ARHGEF11: variants seen among roughly 807,000 people sequenced by gnomAD.
The protein encoded by ARHGEF11 is Rho guanine exchange factor (GEF) 11.
A neutral mutation model predicts 193.7 loss-of-function variants in ARHGEF11; 55 were observed. The observed-to-expected ratio is 0.28, with a 90% CI of 0.23 to 0.36. The LOEUF is 0.36. Among genes scored for constraint, ARHGEF11 ranks in the 10% least tolerant of loss-of-function variants. The pLI, the probability that ARHGEF11 is intolerant of heterozygous loss-of-function variation, is 1.00. For synonymous variants in ARHGEF11, 693 were observed against 768.0 expected (o/e 0.90, Z 1.62); for missense variants, 1,723 against 2,005.6 (o/e 0.86, Z 2.69).
chr1:156,955,018 A>C (rs1659740258), intron 20 of ARHGEF11, 97 bp from the exon 21 acceptor site: 2 of 1,062,514 alleles, frequency 1.9e-6, no homozygotes, highest in Non-Finnish European at 2.8e-6. Context: ...AAAAATTAAA[A>C]GGTAGTGGCG....
intron 1 of ARHGEF11, among the ~76,000 whole-genome samples, chr1:157,030,086 CTG>C (rs534327181): frequency 1.2e-4 from 18 of 152,242 alleles, no homozygotes; most frequent in Non-Finnish European, 2.2e-4. Context: ...TTGCACAACT[CTG>C]TGAATATACT....
chr1:156,944,955 T>A (rs1188354028), intron 30 of ARHGEF11, 64 bp downstream of exon 30: 1 of 1,564,994 alleles, frequency 6.4e-7, no homozygotes, highest in East Asian at 2.2e-5. Flanking sequence ...CCCTGACCAG[T>A]GTTCTGCTCC....
At position 156,948,203 on chromosome 1, in the gene ARHGEF11, A is replaced by T; in HGVS notation, c.2131T>A (p.Phe711Ile). The change falls in exon 24 of 41, where the codon TTC (phenylalanine) becomes ATC (isoleucine). Residue 711 changes from phenylalanine (F) to isoleucine (I), a missense_variant. Transcript: ENST00000368194. This position sits in a 1 kb window ranked among gnomAD's most constrained non-coding sequence, Gnocchi z 4.2. ...TACCTGCGGCCCATTTTGGGAGTGA[A>T]TGGAGGGGTTGGGTTCTCAAGAGAC... is the stretch of plus-strand genomic sequence containing the variant. ...TRSLENPTPP[F>I]TPKMGRRSIE... 1 of 1,578,098 alleles carries T rather than the reference A, an allele frequency of 6.3e-7. No homozygotes were observed. Among genetic ancestry groups the T allele is most frequent in the Non-Finnish European group, 8.6e-7 (1 of 1,160,172 alleles).
rs1188330766 is a variant in ARHGEF11, at chr1:156,942,790, G to A, written c.3236-10C>T. On this transcript the variant is annotated splice_polypyrimidine_tract_variant and intron_variant, in intron 32 of 40. Transcript: ENST00000368194. Reference sequence around the variant, plus strand: ...AAGAAGGCCCGTTTATCTGTGTGAGGAAAGGAAGGTAGAAGGGTCTGTACT... The same window carrying A: ...AAGAAGGCCCGTTTATCTGTGTGAGAAAAGGAAGGTAGAAGGGTCTGTACT... 6.2e-7 allele frequency: 1 copy of A among 1,613,116 alleles called. No homozygotes were observed.
intron 22 of ARHGEF11, 140 bp downstream of exon 22, chr1:156,951,433 G>A (rs768405739): frequency 8.1e-5 from 91 of 1,125,650 alleles, no homozygotes; most frequent in Non-Finnish European, 1.1e-4. Flanking sequence ...TGAAGATACT[G>A]GGGGTGGGGA....
chr1:156,966,363 T>A (rs1295228747), intron 11 of ARHGEF11, among the ~76,000 whole-genome samples: 1 of 152,228 alleles, frequency 6.6e-6, no homozygotes, highest in Non-Finnish European at 1.5e-5. Flanking sequence ...CACACACATA[T>A]GTAATTAAAA....
At chr1:156,980,605 C>T in intron 3 of ARHGEF11, 119 bp from the exon 4 acceptor site, 1 of 1,164,074 alleles carries the variant, frequency 8.6e-7, no homozygotes, top group Non-Finnish European at 1.2e-6. Context: ...TGTTAAGTAT[C>T]TCAAATTCTG....
rs1460839382 is a variant in ARHGEF11 at position 156,946,033 on chromosome 1, C to T, written c.2812+12G>A. 2 of 1,602,966 alleles carry T rather than the reference C, an allele frequency of 1.2e-6. No homozygotes were observed. The highest frequency in any genetic ancestry group is 1.7e-6 in the Non-Finnish European group (2 of 1,171,164). ...CCACTGCCTGTGATGCCAGCCCCTC[C>T]CCAGGTGCTACCCTCTGTGTGCTTG... is the stretch of plus-strand genomic sequence containing the variant. On this transcript the variant is annotated intron_variant, in intron 29 of 40. Transcript: ENST00000368194.
chr1:156,994,138 G>A (rs1289195207), intron 1 of ARHGEF11, among the ~76,000 whole-genome samples: 1 of 152,098 alleles, frequency 6.6e-6, no homozygotes, highest in East Asian at 1.9e-4. Flanking sequence ...AACACATATT[G>A]ATATCATCTG....
chr1:156,976,023 T>C (rs1270990349), intron 7 of ARHGEF11, among the ~76,000 whole-genome samples: 2 of 152,236 alleles, frequency 1.3e-5, no homozygotes, highest in African/African-American at 4.8e-5. Context: ...CTTCATTCAT[T>C]CATCCATATC....
At chr1:156,945,533 G>T (rs1657960270) in intron 29 of ARHGEF11, 3 of 308,364 alleles carry the variant, frequency 9.7e-6, no homozygotes, top group Non-Finnish European at 1.8e-5. Context: ...AATCAGATTG[G>T]GGTTCCTAAC....
chr1:157,043,253 A>G (rs1672975629), intron 1 of ARHGEF11, among the ~76,000 whole-genome samples: 1 of 152,178 alleles, frequency 6.6e-6, no homozygotes, highest in Admixed American at 6.5e-5. Flanking sequence ...ATTTTTTTCC[A>G]GGCCCAGTCC....
Position 156,939,776 on chromosome 1 carries a change from G to C in ARHGEF11, c.3868C>G (p.Pro1290Ala). The stretch of plus-strand genomic sequence containing the variant: ...GGGGGTGCTTGCCCTGGGGAGCCTG[G>C]GTCCCAGGGGTGAGAGGTGACGCTG... ...VISVTSHPWD[P>A]GSPGQAPPGG... Residue 1290 changes from proline (P) to alanine (A), a missense_variant, in exon 37 of 41, where the codon CCA becomes GCA. Pro to Ala is a conservative substitution (Grantham distance 27). This residue lies in a region of ARHGEF11 where 203 missense variants were observed against 237.3 expected (regional missense o/e 0.86). Transcript: ENST00000368194. 1.9e-6 allele frequency: 3 copies of C among 1,613,930 alleles called. No individual in the cohort carries two copies. The highest frequency in any genetic ancestry group is 2.5e-6 in the Non-Finnish European group (3 of 1,179,946).
At chr1:156,958,460 G>C (rs865781650) in intron 17 of ARHGEF11, among the ~76,000 whole-genome samples, 2 of 152,188 alleles carry the variant, frequency 1.3e-5, no homozygotes, top group Non-Finnish European at 2.9e-5. Context: ...GAGGTCAGGA[G>C]GAGGGCCAGC....
At chr1:156,983,683 C>A (rs1482778658) in intron 3 of ARHGEF11, among the ~76,000 whole-genome samples, 3 of 152,198 alleles carry the variant, frequency 2.0e-5, no homozygotes, top group African/African-American at 7.2e-5. Context: ...TCCTTCCCAC[C>A]AAATTCCTAT....
At chr1:157,029,572 G>C (rs572422599) in intron 1 of ARHGEF11, among the ~76,000 whole-genome samples, 1 of 152,274 alleles carries the variant, frequency 6.6e-6, no homozygotes, top group African/African-American at 2.4e-5. Flanking sequence ...GTGCCCGGCT[G>C]TGCAACCACT....
chr1:157,029,627 C>T (rs1671059843), intron 1 of ARHGEF11, among the ~76,000 whole-genome samples: 1 of 152,268 alleles, frequency 6.6e-6, no homozygotes, highest in South Asian at 2.1e-4. Context: ...ATATGATCAG[C>T]AATTCCCCTC....
intron 7 of ARHGEF11, among the ~76,000 whole-genome samples, chr1:156,973,741 T>G (rs1399452750): frequency 2.0e-5 from 3 of 152,236 alleles, no homozygotes; most frequent in Non-Finnish European, 2.9e-5. Flanking sequence ...TGGAGCCATC[T>G]TTTATTCTTT....
intron 30 of ARHGEF11, 68 bp downstream of exon 30, chr1:156,944,950 AC>A: frequency 1.3e-6 from 2 of 1,555,736 alleles, no homozygotes; most frequent in Non-Finnish European, 1.7e-6. Context: ...CCAAGCCCTG[AC>A]CAGTGTTCTG....
Sources: allele counts gnomAD v4.1 joint callset (sites outside exome capture counted in the v4.1 genomes callset), GRCh38; gene constraint gnomAD v4.1.1; regional missense constraint gnomAD v4.1.1; non-coding constraint Gnocchi (gnomAD v3.1); transcripts MANE v1.5; gene names NCBI Gene and HGNC (gene_info 2026-07-23, HGNC 2026-07-21).